PCDHA10: variants seen among roughly 807,000 people sequenced by gnomAD.
PCDHA10 encodes protocadherin alpha 10, also known as protocadherin alpha-10.
Under a neutral mutation model 61.2 loss-of-function variants are expected in PCDHA10, and 45 were observed. The ratio of observed to expected loss-of-function variants is 0.74; its 90% CI spans 0.58 to 0.94. The LOEUF is 0.94. Ranked by LOEUF, PCDHA10 falls within the 40% of genes least tolerant of loss-of-function variation. PCDHA10 has a pLI of 0.00. For synonymous variants in PCDHA10, 602 were observed against 548.8 expected (o/e 1.10, Z -1.35); for missense variants, 1,278 against 1,236.2 (o/e 1.03, Z -0.51).
intron 1 of PCDHA10, chr5:140,871,232 T>C: frequency 6.2e-7 from 1 of 1,613,948 alleles, no homozygotes; most frequent in South Asian, 1.1e-5. Flanking sequence ...TCCAGCCTCC[T>C]GGTACTCACG....
chr5:140,933,653 GTCTC>G (rs1245688430), intron 1 of PCDHA10, among the ~76,000 whole-genome samples: 3 of 151,982 alleles, frequency 2.0e-5, no homozygotes, highest in East Asian at 1.9e-4. Context: ...TGGAAATCCT[GTCTC>G]TCTCTCTGTC....
At chr5:140,874,188 A>G (rs1478438376) in intron 1 of PCDHA10, among the ~76,000 whole-genome samples, 2 of 152,208 alleles carry the variant, frequency 1.3e-5, no homozygotes, top group Non-Finnish European at 2.9e-5. Flanking sequence ...TAAAGGTGTC[A>G]TATTTCAGTT....
chr5:140,881,655 C>T (rs1336529643), intron 1 of PCDHA10, among the ~76,000 whole-genome samples: 1 of 152,120 alleles, frequency 6.6e-6, no homozygotes, highest in Non-Finnish European at 1.5e-5. Flanking sequence ...TCACCTTCAC[C>T]GATTTTATTC....
At chr5:141,006,105 GT>G (rs79904017) in intron 3 of PCDHA10, among the ~76,000 whole-genome samples, 172 of 143,342 alleles carry the variant, frequency 1.2e-3, no homozygotes, top group East Asian at 2.0e-3. Context: ...ATGGTAAGGA[GT>G]TTTTTTTTTT....
At chr5:140,880,521 A>G (rs1166001900) in intron 1 of PCDHA10, among the ~76,000 whole-genome samples, 1 of 152,260 alleles carries the variant, frequency 6.6e-6, no homozygotes, top group Non-Finnish European at 1.5e-5. Context: ...ACATCTCTCA[A>G]TGTGTGAATC....
At chr5:140,958,343 T>C (rs904666839) in intron 1 of PCDHA10, among the ~76,000 whole-genome samples, 2 of 152,144 alleles carry the variant, frequency 1.3e-5, no homozygotes, top group African/African-American at 4.8e-5. Flanking sequence ...TCACAGGAAG[T>C]TCACAGTCTG....
At chr5:140,967,692 G>A (rs781940460) in intron 1 of PCDHA10, 12 of 1,614,196 alleles carry the variant, frequency 7.4e-6, no homozygotes, top group South Asian at 1.1e-5. Flanking sequence ...CAGCTCTTCA[G>A]CATAGATGCC....
rs781886107 is a variant in PCDHA10 at position 140,870,037 on chromosome 5, A to G, written c.2388+11601A>G. 6.2e-7 allele frequency: 1 copy of G among 1,613,778 alleles called. No individual in the cohort carries two copies. The highest frequency in any genetic ancestry group is 1.7e-5 in the Admixed American group (1 of 60,026). On this transcript the variant is annotated intron_variant, in intron 1 of 3. Coordinates refer to ENST00000307360, the MANE Select transcript of PCDHA10 (RefSeq NM_018901.4). ...CAATGGAACTTTAGATTATGAAGAA[A>G]ACAAGTTTTATAAAATTGAAGTACA... is the stretch of plus-strand genomic sequence containing the variant.
At chr5:141,006,403 C>T (rs2098271999) in intron 3 of PCDHA10, among the ~76,000 whole-genome samples, 1 of 151,934 alleles carries the variant, frequency 6.6e-6, no homozygotes, top group Non-Finnish European at 1.5e-5. Context: ...TTAGTAGAGA[C>T]GCGGTTTCAC....
chr5:140,866,490 C>T (rs1197584665), intron 1 of PCDHA10: 2 of 152,070 alleles, frequency 1.3e-5, no homozygotes, highest in Admixed American at 1.3e-4. Flanking sequence ...TGATTTGTGA[C>T]CAAATAACTG....
intron 1 of PCDHA10, among the ~76,000 whole-genome samples, chr5:140,899,342 C>T (rs1317774028): frequency 6.6e-6 from 1 of 152,044 alleles, no homozygotes; most frequent in African/African-American, 2.4e-5. Context: ...ATAGATAGCT[C>T]TTATTATTTT....
intron 1 of PCDHA10, chr5:140,884,290 A>G: frequency 6.2e-7 from 1 of 1,613,642 alleles, no homozygotes; most frequent in Non-Finnish European, 8.5e-7. Flanking sequence ...AGAGCGGCCA[A>G]GCGCCACAGG....
intron 3 of PCDHA10, 42 bp from the exon 4 acceptor site, chr5:141,009,585 T>C: frequency 6.3e-7 from 1 of 1,592,908 alleles, no homozygotes; most frequent in Non-Finnish European, 8.6e-7. Flanking sequence ...ATCAAGAGCA[T>C]GTGTTGACCC....
Position 140,857,580 on chromosome 5 carries a change from C to T in PCDHA10, c.1532C>T (p.Ala511Val). 1 of 1,596,630 alleles carries T rather than the reference C, an allele frequency of 6.3e-7. No individual in the cohort carries two copies. The highest frequency in any genetic ancestry group is 1.3e-5 in the African/African-American group (1 of 74,470). ...CTGTCGAGCTACGTGTCGGTGCACGCGGAGAGCGGCAAGGTGTACGCGCTG... is the reference window on the plus strand; with the variant it reads ...CTGTCGAGCTACGTGTCGGTGCACGTGGAGAGCGGCAAGGTGTACGCGCTG... ...RSLSSYVSVH[A>V]ESGKVYALQP... Residue 511 changes from alanine to valine, a missense_variant, in exon 1 of 4, where the codon GCG (alanine) becomes GTG (valine). By Grantham distance (64) the Ala-to-Val change is moderately conservative. Coordinates refer to ENST00000307360, the MANE Select transcript of PCDHA10 (RefSeq NM_018901.4).
At chr5:140,883,296 TA>T (rs1389927639) in intron 1 of PCDHA10, 1 of 1,613,994 alleles carries the variant, frequency 6.2e-7, no homozygotes, top group African/African-American at 1.3e-5. Flanking sequence ...GTACTAGATG[TA>T]AATGATAACG....
intron 3 of PCDHA10, among the ~76,000 whole-genome samples, chr5:141,000,216 T>C (rs665221): frequency 1.3e-5 from 2 of 151,640 alleles, no homozygotes; most frequent in East Asian, 1.9e-4. Flanking sequence ...CATTATCAAA[T>C]GCCTGTGTGG....
chr5:140,877,361 A>G, intron 1 of PCDHA10: 6 of 1,613,976 alleles, frequency 3.7e-6, no homozygotes, highest in Non-Finnish European at 5.1e-6. Context: ...TACACTGGCG[A>G]GATCAGCACG....
chr5:140,879,908 T>G (rs1468115653), intron 1 of PCDHA10, among the ~76,000 whole-genome samples: 2 of 152,218 alleles, frequency 1.3e-5, no homozygotes, highest in Non-Finnish European at 2.9e-5. Context: ...TCTCTCTATG[T>G]GTTGGTTTTA....
intron 3 of PCDHA10, 47 bp from the exon 4 acceptor site, chr5:141,009,580 G>T: frequency 1.3e-6 from 2 of 1,588,168 alleles, no homozygotes; most frequent in South Asian, 2.3e-5. Context: ...GTGGCATCAA[G>T]AGCATGTGTT....
Sources: gnomAD v4.1 joint callset for allele counts (sites outside exome capture counted in the v4.1 genomes callset) on GRCh38, gnomAD v4.1.1 for gene constraint, MANE v1.5 for transcripts, NCBI Gene and HGNC (gene_info 2026-07-23, HGNC 2026-07-21) for gene names.